Variants in PLCB1 observed in about 807,000 individuals in gnomAD.
PLCB1 encodes the protein 1-phosphatidylinositol 4,5-bisphosphate phosphodiesterase beta-1.
A neutral mutation model predicts 161.8 loss-of-function variants in PLCB1; 46 were observed. The observed-to-expected ratio is 0.28, with a 90% confidence interval of 0.22 to 0.36. The LOEUF (loss-of-function observed/expected upper bound fraction) is 0.36, where lower values mean the gene tolerates loss of function less well. Ranked by LOEUF, PLCB1 falls within the 10% of genes least tolerant of loss-of-function variation. PLCB1 has a pLI of 1.00. For missense variants in PLCB1, 1,016 were observed against 1,472.5 expected (o/e 0.69, Z 5.07); for synonymous variants, 517 against 503.7 (o/e 1.03, Z -0.35).
intron 4 of PLCB1, among the ~76,000 whole-genome samples, chr20:8,632,054 T>TGG (rs1988614418): frequency 7.0e-6 from 1 of 143,044 alleles, no homozygotes; most frequent in Non-Finnish European, 1.5e-5. Flanking sequence ...TTTTTTTTTT[T>TGG]TTTTTTTTTT....
intron 3 of PLCB1, among the ~76,000 whole-genome samples, chr20:8,500,695 T>G (rs1983369774): frequency 6.6e-6 from 1 of 152,230 alleles, no homozygotes; most frequent in Admixed American, 6.5e-5. Context: ...AAACTCTTTC[T>G]TCTTTATTTT....
At chr20:8,637,247 A>T (rs563355430) in intron 4 of PLCB1, among the ~76,000 whole-genome samples, 14 of 152,362 alleles carry the variant, frequency 9.2e-5, no homozygotes, top group South Asian at 4.1e-4. Flanking sequence ...CCCAATGAAA[A>T]GCTGGCACTA....
At chr20:8,740,542 A>G in intron 22 of PLCB1, 94 bp downstream of exon 22, 1 of 586,588 alleles carries the variant, frequency 1.7e-6, no homozygotes, top group East Asian at 3.1e-5. Context: ...AAACTGAACC[A>G]AACAAAGCAG....
chr20:8,433,798 G>A lies in PLCB1; in HGVS notation c.246+62348G>A, dbSNP rs576933582. Among the ~76,000 whole-genome samples the A allele has an allele frequency of 3.5e-4, 53 of 151,822 alleles. 3 individuals carry two copies. The highest frequency in any genetic ancestry group is 2.8e-3 in the Admixed American group (43 of 15,224). On this transcript the variant is annotated intron_variant, in intron 3 of 31. Coordinates refer to ENST00000338037, the MANE Select transcript of PLCB1 (RefSeq NM_015192.4). ...ATGAAACACTGTGAATTGCCCCCAG[G>A]AGTGCTTTAAATGATGTCTACTTGT...
intron 3 of PLCB1, among the ~76,000 whole-genome samples, chr20:8,428,814 G>T (rs562901115): frequency 1.4e-4 from 21 of 152,302 alleles, no homozygotes; most frequent in African/African-American, 5.1e-4. Context: ...AGTGTCAGAG[G>T]TGAGGGGATT....
chr20:8,861,564 T>G (rs1487707296), intron 31 of PLCB1, among the ~76,000 whole-genome samples: 1 of 152,020 alleles, frequency 6.6e-6, no homozygotes, highest in Non-Finnish European at 1.5e-5. Flanking sequence ...ACCCCGTCTC[T>G]ACTAAAAATA....
At chr20:8,146,804 A>G (rs1225023184) in intron 1 of PLCB1, among the ~76,000 whole-genome samples, 9 of 152,202 alleles carry the variant, frequency 5.9e-5, no homozygotes, top group African/African-American at 2.2e-4. Flanking sequence ...TAATTACTAT[A>G]TTAATCTTCA....
intron 4 of PLCB1, among the ~76,000 whole-genome samples, chr20:8,644,237 C>T (rs1180204893): frequency 5.3e-5 from 8 of 151,984 alleles, no homozygotes; most frequent in East Asian, 2.0e-4. Context: ...AAGTGAGGAG[C>T]GTCTCTGCCT....
At chr20:8,537,649 A>G (rs541199514) in intron 3 of PLCB1, among the ~76,000 whole-genome samples, 30 of 152,070 alleles carry the variant, frequency 2.0e-4, no homozygotes, top group Non-Finnish European at 3.8e-4. Flanking sequence ...CACAAAATGA[A>G]TATTTCTGAC....
chr20:8,358,684 C>T (rs112005701), intron 2 of PLCB1, among the ~76,000 whole-genome samples: 2,330 of 152,190 alleles, frequency 0.015, 42 homozygotes, highest in African/African-American at 0.052. Context: ...TAAATGTTTT[C>T]GCTTTTATTT....
intron 24 of PLCB1, among the ~76,000 whole-genome samples, chr20:8,759,299 T>C (rs1198506415): frequency 2.0e-5 from 3 of 152,192 alleles, no homozygotes; most frequent in Non-Finnish European, 4.4e-5. Flanking sequence ...ACTGATGATA[T>C]GGGATCACTT....
chr20:8,821,526 T>A (rs1347343515), intron 31 of PLCB1, among the ~76,000 whole-genome samples: 2 of 90,120 alleles, frequency 2.2e-5, no homozygotes, highest in African/African-American at 8.4e-5. Flanking sequence ...TATATATATA[T>A]ATATATATAT....
intron 3 of PLCB1, among the ~76,000 whole-genome samples, chr20:8,617,174 G>C (rs1449234150): frequency 6.6e-6 from 1 of 152,182 alleles, no homozygotes; most frequent in African/African-American, 2.4e-5. Flanking sequence ...ACCTGTAAAT[G>C]TAACTGGCAG....
At chr20:8,649,879 G>A (rs1185706585) in intron 7 of PLCB1, 2 of 156,260 alleles carry the variant, frequency 1.3e-5, no homozygotes, top group Admixed American at 1.3e-4. Context: ...ACCAAGAGGT[G>A]GGGTTTTTGC....
chr20:8,742,405 C>T (rs1356977122), intron 23 of PLCB1, among the ~76,000 whole-genome samples: 1 of 151,992 alleles, frequency 6.6e-6, no homozygotes, highest in Non-Finnish European at 1.5e-5. Context: ...ATTAAATAGT[C>T]CATTTAAATA....
intron 2 of PLCB1, among the ~76,000 whole-genome samples, chr20:8,304,111 G>T (rs988353455): frequency 6.6e-6 from 1 of 152,144 alleles, no homozygotes; most frequent in Admixed American, 6.5e-5. Flanking sequence ...GTAAGTCCTG[G>T]CCCAGTAAAA....
intron 24 of PLCB1, among the ~76,000 whole-genome samples, chr20:8,758,230 TA>T (rs11481234): frequency 0.018 from 2,616 of 141,638 alleles, 67 homozygotes; most frequent in African/African-American, 0.064. Context: ...GAAAGAGAAT[TA>T]AAAAAAAAAA....
At chr20:8,475,299 C>G (rs1982227296) in intron 3 of PLCB1, among the ~76,000 whole-genome samples, 1 of 151,982 alleles carries the variant, frequency 6.6e-6, no homozygotes, top group Non-Finnish European at 1.5e-5. Flanking sequence ...AGGAGATACC[C>G]TGGCAGCCGA....
At chr20:8,638,602 A>T (rs6055961) in intron 4 of PLCB1, among the ~76,000 whole-genome samples, 36,082 of 152,116 alleles carry the variant, frequency 0.24, 4,682 homozygotes, top group Admixed American at 0.32. Context: ...TGCTGAAAAT[A>T]GTTGTCAAGA....
Sources: gnomAD v4.1 joint callset for allele counts (sites outside exome capture counted in the v4.1 genomes callset) on GRCh38, gnomAD v4.1.1 for gene constraint, MANE v1.5 for transcripts, NCBI Gene and HGNC (gene_info 2026-07-23, HGNC 2026-07-21) for gene names.